Variants in DNAJC5B observed in about 807,000 individuals in gnomAD.
DNAJC5B encodes DnaJ heat shock protein family (Hsp40) member C5 beta.
DNAJC5B carries 23 observed loss-of-function variants against 24.7 expected under a neutral mutation model. That is an observed-to-expected ratio of 0.93 (90% CI 0.67 to 1.32). DNAJC5B has a LOEUF of 1.32. Ranked by LOEUF, DNAJC5B falls within the 40% of genes most tolerant of loss-of-function variation. DNAJC5B has a pLI of 0.00. For synonymous variants in DNAJC5B, 101 were observed against 90.1 expected, an observed-to-expected ratio of 1.12 and a Z score of -0.68; for missense variants, 238 against 240.8, an observed-to-expected ratio of 0.99 and a Z score of 0.08.
In DNAJC5B at chr8:66,098,453, G is replaced by A. The variant is rs925036967; in HGVS notation, c.506-1484G>A. Reference sequence around the variant, plus strand: ...CCTGACCTCATGATCCACCTGCTTCGGCCTCCAAAAGTGCTGGGATTACAG... The same window carrying A: ...CCTGACCTCATGATCCACCTGCTTCAGCCTCCAAAAGTGCTGGGATTACAG... On this transcript the variant is annotated intron_variant, in intron 5 of 5. Transcript: ENST00000276570. Among the ~76,000 whole-genome samples, 12 of 151,994 alleles carry A rather than the reference G, an allele frequency of 7.9e-5. No homozygotes were observed. The East Asian group carries it at 1.5e-3, about 20-fold the overall frequency.
chr8:66,101,020 A>C lies in DNAJC5B; in HGVS notation c.*989A>C, dbSNP rs1459297467. On this transcript the variant is annotated 3_prime_UTR_variant, in exon 6 of 6. Transcript: ENST00000276570. ...TGTGCTATTTCTAAAATACTATGGC[A>C]GAAAAAGTGTTCGTTTTTCTAGCTC... Among the ~76,000 whole-genome samples, 1 of 152,232 alleles carries C rather than the reference A, an allele frequency of 6.6e-6. No individual in the cohort carries two copies. Among genetic ancestry groups the C allele is most frequent in the African/African-American group, 2.4e-5 (1 of 41,454 alleles).
chr8:66,039,035 A>T (rs1455226514), intron 1 of DNAJC5B, among the ~76,000 whole-genome samples: 4 of 152,238 alleles, frequency 2.6e-5, no homozygotes, highest in African/African-American at 9.6e-5. Flanking sequence ...TTTATTAGTG[A>T]ACACACTTAT....
chr8:66,039,127 G>A (rs947592745), intron 1 of DNAJC5B, among the ~76,000 whole-genome samples: 8 of 152,116 alleles, frequency 5.3e-5, no homozygotes, highest in South Asian at 2.1e-4. Flanking sequence ...GTCATAGACC[G>A]ATAAGCAAGG....
At chr8:66,016,748 C>A (rs906105925), upstream of DNAJC5B, among the ~76,000 whole-genome samples, 10 of 152,146 alleles carry the variant, frequency 6.6e-5, no homozygotes, top group African/African-American at 2.2e-4. Flanking sequence ...TTATGTGTTT[C>A]TGCAATTGTG....
At chr8:66,094,154 T>C (rs551822640) in intron 5 of DNAJC5B, among the ~76,000 whole-genome samples, 3 of 152,174 alleles carry the variant, frequency 2.0e-5, no homozygotes, top group Non-Finnish European at 4.4e-5. Flanking sequence ...CTTAGCATTT[T>C]GCTTTCTTAT....
At chr8:66,038,266 A>G (rs1806531999) in intron 1 of DNAJC5B, among the ~76,000 whole-genome samples, 1 of 152,230 alleles carries the variant, frequency 6.6e-6, no homozygotes, top group Non-Finnish European at 1.5e-5. Context: ...ATATGATATG[A>G]CCTGTGAAGG....
rs1233733186 is a variant in DNAJC5B at position 66,101,146 on chromosome 8, C to T, written c.*1115C>T. On this transcript the variant is annotated 3_prime_UTR_variant, in exon 6 of 6. Transcript: ENST00000276570. ...TATCTTTTTTCTTGTTTCTTATTCCCACCCAAAAAATTATAGTTAATTGCT... is the reference window on the plus strand; with the variant it reads ...TATCTTTTTTCTTGTTTCTTATTCCTACCCAAAAAATTATAGTTAATTGCT... Among the ~76,000 whole-genome samples, 1 of 151,862 alleles carries T rather than the reference C, an allele frequency of 6.6e-6. No individual in the cohort carries two copies. Among genetic ancestry groups the T allele is most frequent in the Non-Finnish European group, 1.5e-5 (1 of 67,978 alleles).
intron 1 of DNAJC5B, among the ~76,000 whole-genome samples, chr8:66,041,787 G>A (rs1806615294): frequency 6.6e-6 from 1 of 152,136 alleles, no homozygotes; most frequent in African/African-American, 2.4e-5. Context: ...CTGGTTACGT[G>A]GAATATGATC....
At chr8:66,052,248 G>A (rs552137072) in intron 3 of DNAJC5B, among the ~76,000 whole-genome samples, 13 of 150,482 alleles carry the variant, frequency 8.6e-5, no homozygotes, top group African/African-American at 2.7e-4. Context: ...ATGAGCAACC[G>A]CGCCCTGCCA....
upstream of DNAJC5B, among the ~76,000 whole-genome samples, chr8:66,020,795 G>A (rs570187757): frequency 2.6e-5 from 4 of 152,062 alleles, no homozygotes; most frequent in South Asian, 2.1e-4. Flanking sequence ...GCACAACTAC[G>A]CCCAGCTAAT....
chr8:66,060,961 A>G (rs1807068571), intron 3 of DNAJC5B, among the ~76,000 whole-genome samples: 1 of 152,256 alleles, frequency 6.6e-6, no homozygotes. Context: ...AGTAAGACAC[A>G]CAACATATCA....
At chr8:66,015,170 G>T in the DNAJC5B span, among the ~76,000 whole-genome samples, 1 of 152,194 alleles carries the variant, frequency 6.6e-6, no homozygotes, top group South Asian at 2.1e-4. Flanking sequence ...GCATTATAAT[G>T]AGAAAGATCA....
chr8:66,030,664 T>G (rs1477322593), intron 1 of DNAJC5B, among the ~76,000 whole-genome samples: 2 of 152,144 alleles, frequency 1.3e-5, no homozygotes, highest in Non-Finnish European at 2.9e-5. Flanking sequence ...TGAGACAGTG[T>G]CTTGCTCTGT....
chr8:66,035,199 C>T (rs1806454816), intron 1 of DNAJC5B, among the ~76,000 whole-genome samples: 1 of 152,208 alleles, frequency 6.6e-6, no homozygotes, highest in African/African-American at 2.4e-5. Flanking sequence ...CCCCCACCAT[C>T]CCTGGAAATC....
chr8:66,053,037 T>C (rs1806885396), intron 3 of DNAJC5B, among the ~76,000 whole-genome samples: 1 of 152,148 alleles, frequency 6.6e-6, no homozygotes, highest in African/African-American at 2.4e-5. Flanking sequence ...TGCTTCAGCC[T>C]CCTGAGTAGC....
At chr8:66,027,583 T>C in intron 1 of DNAJC5B, among the ~76,000 whole-genome samples, 1 of 152,278 alleles carries the variant, frequency 6.6e-6, no homozygotes, top group East Asian at 1.9e-4. Context: ...CAAAAGGTGG[T>C]CTCAGGAAAA....
chr8:66,086,584 C>T (rs1215644145), intron 5 of DNAJC5B, among the ~76,000 whole-genome samples: 5 of 152,138 alleles, frequency 3.3e-5, no homozygotes, highest in African/African-American at 1.2e-4. Context: ...CCAACCCTCA[C>T]TGGCAAGGAA....
intron 3 of DNAJC5B, among the ~76,000 whole-genome samples, chr8:66,062,908 G>A (rs1405448017): frequency 3.3e-5 from 5 of 152,226 alleles, no homozygotes; most frequent in Non-Finnish European, 5.9e-5. Context: ...TATTTGGGAG[G>A]CTGAGGTGGG....
chr8:66,063,629 C>T (rs1807129980), intron 3 of DNAJC5B, among the ~76,000 whole-genome samples: 1 of 152,160 alleles, frequency 6.6e-6, no homozygotes, highest in African/African-American at 2.4e-5. Flanking sequence ...TTGATCGAAC[C>T]TCTTAGTTCT....
Sources: allele counts gnomAD v4.1 joint callset (sites outside exome capture counted in the v4.1 genomes callset), GRCh38; gene constraint gnomAD v4.1.1; transcripts MANE v1.5; gene names NCBI Gene and HGNC (gene_info 2026-07-23, HGNC 2026-07-21).